The following HFM1 variants were observed in gnomAD, a reference collection of about 807,000 sequenced individuals.
HFM1 encodes the protein probable ATP-dependent DNA helicase HFM1.
A neutral mutation model predicts 192.1 loss-of-function variants in HFM1; 169 were observed. The observed-to-expected ratio is 0.88, with a 90% CI of 0.78 to 1.00. The LOEUF (loss-of-function observed/expected upper bound fraction) is 1.00, where lower values mean the gene tolerates loss of function less well. HFM1 is among the 50% of genes least tolerant of loss of function. HFM1 has a pLI of 0.00. For synonymous variants in HFM1, 525 were observed against 537.8 expected, an observed-to-expected ratio of 0.98 and a Z score of 0.33; for missense variants, 1,661 against 1,668.0, an observed-to-expected ratio of 1.00 and a Z score of 0.07.
chr1:91,339,856 A>C (rs1275017965), intron 20 of HFM1, among the ~76,000 whole-genome samples: 3 of 152,180 alleles, frequency 2.0e-5, no homozygotes, highest in African/African-American at 7.2e-5. Flanking sequence ...TAGTCATTAC[A>C]TTCTCCAAGA....
chr1:91,367,474 G>A (rs1045625901), intron 13 of HFM1, among the ~76,000 whole-genome samples: 8 of 152,284 alleles, frequency 5.3e-5, no homozygotes, highest in Admixed American at 5.2e-4. Context: ...AGCCACCGCT[G>A]CTGATACCCA....
intron 30 of HFM1, among the ~76,000 whole-genome samples, chr1:91,289,454 C>G (rs1333486805): frequency 6.6e-6 from 1 of 152,140 alleles, no homozygotes; most frequent in East Asian, 1.9e-4. Context: ...ACTTCCTAGA[C>G]AGAGTGGCAC....
At chr1:91,287,071 G>A (rs1423739129) in intron 30 of HFM1, among the ~76,000 whole-genome samples, 2 of 152,184 alleles carry the variant, frequency 1.3e-5, no homozygotes, top group African/African-American at 4.8e-5. Context: ...CAAGGCGGCA[G>A]CGAGGCTGGG....
intron 30 of HFM1, among the ~76,000 whole-genome samples, chr1:91,280,415 T>TAAAC (rs1426803085): frequency 5.3e-5 from 8 of 152,216 alleles, no homozygotes; most frequent in Non-Finnish European, 1.2e-4. Flanking sequence ...AGCCTATGTT[T>TAAAC]GTAGGGGAAC....
chr1:91,369,627 C>T (rs542115394), intron 13 of HFM1, among the ~76,000 whole-genome samples: 1 of 152,124 alleles, frequency 6.6e-6, no homozygotes, highest in South Asian at 2.1e-4. Flanking sequence ...TAAATGCCCA[C>T]AAGAGAAAGC....
chr1:91,327,118 A>G (rs1653034498), intron 20 of HFM1, among the ~76,000 whole-genome samples: 1 of 152,210 alleles, frequency 6.6e-6, no homozygotes, highest in African/African-American at 2.4e-5. Context: ...GAAGGAAGAG[A>G]AGACTGTAAA....
At chr1:91,370,926 A>G (rs2101920123) in intron 13 of HFM1, among the ~76,000 whole-genome samples, 1 of 152,208 alleles carries the variant, frequency 6.6e-6, no homozygotes, top group Non-Finnish European at 1.5e-5. Flanking sequence ...CAAAAATCAC[A>G]AGCATTCTTA....
chr1:91,344,452 C>T (rs1655835676), intron 19 of HFM1, among the ~76,000 whole-genome samples: 1 of 152,146 alleles, frequency 6.6e-6, no homozygotes, highest in Admixed American at 6.5e-5. Flanking sequence ...CAGTTCATTA[C>T]CCACTCACTA....
intron 2 of HFM1, among the ~76,000 whole-genome samples, chr1:91,399,544 C>T (rs1190125029): frequency 2.0e-5 from 3 of 152,204 alleles, no homozygotes; most frequent in Non-Finnish European, 4.4e-5. Flanking sequence ...CTTAGAATTT[C>T]TAACTTTATG....
chr1:91,357,044 C>T (rs1370295595), intron 13 of HFM1, among the ~76,000 whole-genome samples: 5 of 152,114 alleles, frequency 3.3e-5, no homozygotes, highest in Admixed American at 2.6e-4. Flanking sequence ...GAATTACCAC[C>T]AATACTTCAT....
chr1:91,281,785 T>C (rs1447489066), intron 30 of HFM1, among the ~76,000 whole-genome samples: 1 of 152,122 alleles, frequency 6.6e-6, no homozygotes, highest in Non-Finnish European at 1.5e-5. Context: ...GGAGTGCAGG[T>C]GTGAGACCAC....
chr1:91,407,356 G>GA (rs1031691402), upstream of HFM1, among the ~76,000 whole-genome samples: 140 of 143,478 alleles, frequency 9.8e-4, 1 homozygote, highest in East Asian at 0.019. Flanking sequence ...TAAAGTATAA[G>GA]AAAAAAAAAA....
At chr1:91,366,774 G>A (rs962145115) in intron 13 of HFM1, among the ~76,000 whole-genome samples, 4 of 152,216 alleles carry the variant, frequency 2.6e-5, no homozygotes, top group African/African-American at 9.6e-5. Context: ...GATAGCGGGT[G>A]CAGTGCACCG....
chr1:91,267,282 CTTAT>C (rs1665856889), intron 35 of HFM1, among the ~76,000 whole-genome samples: 1 of 152,032 alleles, frequency 6.6e-6, no homozygotes, highest in Non-Finnish European at 1.5e-5. Flanking sequence ...TATGTATTAA[CTTAT>C]TTATTTACTT....
At chr1:91,288,120 C>T (rs1235679389) in intron 30 of HFM1, among the ~76,000 whole-genome samples, 2 of 151,084 alleles carry the variant, frequency 1.3e-5, no homozygotes, top group African/African-American at 4.9e-5. Flanking sequence ...GTTCCCCAAT[C>T]TAGCAAGGCA....
At chr1:91,281,823 C>T (rs1024511931) in intron 30 of HFM1, among the ~76,000 whole-genome samples, 3 of 152,148 alleles carry the variant, frequency 2.0e-5, no homozygotes, top group Admixed American at 1.3e-4. Flanking sequence ...AACTCTTGGG[C>T]GCACGCACTC....
At chr1:91,282,095 T>C (rs1038433446) in intron 30 of HFM1, among the ~76,000 whole-genome samples, 7 of 152,250 alleles carry the variant, frequency 4.6e-5, no homozygotes, top group South Asian at 2.1e-4. Flanking sequence ...TGTGAAGATT[T>C]CTGTCTCACT....
chr1:91,378,428 A>C lies in HFM1; in HGVS notation c.1211T>G (p.Leu404Arg), dbSNP rs767985205. 1 of 1,605,986 alleles carries C rather than the reference A, an allele frequency of 6.2e-7. No homozygotes were observed. Among genetic ancestry groups the C allele is most frequent in the East Asian group, 2.2e-5 (1 of 44,578 alleles). ...CTCATCAATGAGAAACAGTCGAACC[A>C]GCTGAACCAAAGAGTTGTCTCTCCA... ...RKWRDNSLVQ[L>R]VRLFLIDEVH... The change falls in exon 10 of 39, where the codon CTG (leucine) becomes CGG (arginine). Residue 404 changes from leucine (L) to arginine (R), a missense_variant. Transcript: ENST00000370425.
chr1:91,400,335 G>A (rs2102205546), intron 2 of HFM1, among the ~76,000 whole-genome samples: 1 of 152,176 alleles, frequency 6.6e-6, no homozygotes, highest in Middle Eastern at 3.4e-3. Flanking sequence ...TTTGCCTTTG[G>A]CATACTGTCC....
Sources: gnomAD v4.1 joint callset for allele counts (sites outside exome capture counted in the v4.1 genomes callset) on GRCh38, gnomAD v4.1.1 for gene constraint, MANE v1.5 for transcripts, NCBI Gene and HGNC (gene_info 2026-07-23, HGNC 2026-07-21) for gene names.